Variants in SMPD3 observed in about 807,000 individuals in gnomAD.
SMPD3 encodes sphingomyelin phosphodiesterase 3, also known as nSMase-2.
SMPD3 carries 21 observed loss-of-function variants against 55.7 expected under a neutral mutation model. That is an observed-to-expected ratio of 0.38 (90% CI 0.27 to 0.54). The LOEUF (loss-of-function observed/expected upper bound fraction) is 0.54. SMPD3 is among the 20% of genes least tolerant of loss of function. The probability of loss-of-function intolerance (pLI) is 0.80; values close to 1 mark genes in which losing one functional copy is unlikely to be tolerated. For synonymous variants in SMPD3, 457 were observed against 404.3 expected, an observed-to-expected ratio of 1.13 and a Z score of -1.56; for missense variants, 842 against 899.6, an observed-to-expected ratio of 0.94 and a Z score of 0.82.
intron 8 of SMPD3, 85 bp downstream of exon 8, chr16:68,361,518 T>C: frequency 6.4e-7 from 1 of 1,557,826 alleles, no homozygotes; most frequent in Non-Finnish European, 8.7e-7. Context: ...GGCGTGGGGT[T>C]TCAGGGAGCG....
chr16:68,386,881 T>C (rs1217976299), intron 1 of SMPD3, among the ~76,000 whole-genome samples: 2 of 151,960 alleles, frequency 1.3e-5, no homozygotes, highest in Non-Finnish European at 1.5e-5. Context: ...CCGAGGTTTG[T>C]GTGACAGATT....
intron 1 of SMPD3, among the ~76,000 whole-genome samples, chr16:68,388,984 T>C (rs536588571): frequency 1.3e-5 from 2 of 152,208 alleles, no homozygotes; most frequent in African/African-American, 2.4e-5. Flanking sequence ...CCCATCTCAA[T>C]ATACTCCCAG....
At chr16:68,389,301 C>G (rs1394183394) in intron 1 of SMPD3, among the ~76,000 whole-genome samples, 3 of 152,220 alleles carry the variant, frequency 2.0e-5, no homozygotes, top group African/African-American at 7.2e-5. Context: ...GCCTGTCCAC[C>G]AGGAGGCCTC....
intron 1 of SMPD3, among the ~76,000 whole-genome samples, chr16:68,444,323 C>G (rs2090592491): frequency 6.6e-6 from 1 of 152,124 alleles, no homozygotes; most frequent in Non-Finnish European, 1.5e-5. Context: ...GGAAATTTTC[C>G]GAGAAAAGCT....
chr16:68,424,263 T>C (rs189106374), intron 1 of SMPD3, among the ~76,000 whole-genome samples: 15 of 151,974 alleles, frequency 9.9e-5, no homozygotes, highest in Admixed American at 2.0e-4. Flanking sequence ...AAAGATACCA[T>C]CTTGAAGCTT....
chr16:68,397,625 C>T (rs892108329), intron 1 of SMPD3, among the ~76,000 whole-genome samples: 22 of 152,254 alleles, frequency 1.4e-4, no homozygotes, highest in Non-Finnish European at 4.4e-5. Flanking sequence ...TCTGCCTCCT[C>T]TCCTGTCGCA....
Position 68,358,444 on chromosome 16 carries a change from C to G in SMPD3, c.*2762G>C, listed in dbSNP as rs1312326845. 6.6e-6 allele frequency: 1 copy of G among 152,662 alleles called. No homozygotes were observed. The highest frequency in any genetic ancestry group is 2.4e-5 in the African/African-American group (1 of 41,456). 9.5% of individuals were successfully genotyped at this position (152,662 alleles called of 1,614,324 possible). A position where few individuals can be genotyped will look rare whatever the true frequency, so the allele number is the denominator to read the frequency against. The stretch of plus-strand genomic sequence containing the variant: ...TCAGGTGTAAAGACTTGTTTTTCTT[C>G]TAGGGAAGAACCGTCTGGATATATA... On this transcript the variant is annotated 3_prime_UTR_variant, in exon 9 of 9. Coordinates refer to ENST00000219334, the MANE Select transcript of SMPD3 (RefSeq NM_018667.4).
At chr16:68,428,123 C>T (rs1403693216) in intron 1 of SMPD3, among the ~76,000 whole-genome samples, 1 of 152,208 alleles carries the variant, frequency 6.6e-6, no homozygotes, top group Non-Finnish European at 1.5e-5. Flanking sequence ...GCCAAGGCCT[C>T]ATCCTTGGAG....
At chr16:68,419,577 GC>G (rs1244372052) in intron 1 of SMPD3, among the ~76,000 whole-genome samples, 3 of 152,184 alleles carry the variant, frequency 2.0e-5, no homozygotes, top group African/African-American at 7.2e-5. Context: ...ACATTTCCTT[GC>G]ATCTCCAGAG....
chr16:68,381,625 C>G (rs192157532), intron 2 of SMPD3, among the ~76,000 whole-genome samples: 2 of 152,302 alleles, frequency 1.3e-5, no homozygotes, highest in East Asian at 3.9e-4. Flanking sequence ...GATGTGGAAC[C>G]TTCCAGAGCT....
At chr16:68,423,610 C>T (rs1409402698) in intron 1 of SMPD3, among the ~76,000 whole-genome samples, 1 of 152,194 alleles carries the variant, frequency 6.6e-6, no homozygotes, top group African/African-American at 2.4e-5. Context: ...TACCCAGTCT[C>T]AGGTGTCCTG....
intron 1 of SMPD3, among the ~76,000 whole-genome samples, chr16:68,428,141 G>A (rs2090451125): frequency 6.6e-6 from 1 of 152,194 alleles, no homozygotes; most frequent in Non-Finnish European, 1.5e-5. Context: ...GAGCAGGGAA[G>A]TAAACATCAT....
chr16:68,363,644 G>T, intron 6 of SMPD3, 85 bp from the exon 7 acceptor site: 1 of 1,459,064 alleles, frequency 6.9e-7, no homozygotes, highest in Non-Finnish European at 9.4e-7. Context: ...GTGGACACGG[G>T]CTTCTGCTAG....
intron 5 of SMPD3, chr16:68,364,527 T>G (rs1007228003): frequency 1.5e-5 from 8 of 541,442 alleles, no homozygotes; most frequent in Admixed American, 3.6e-5. Context: ...TTGTCAGAGG[T>G]TCGTTTTTAG....
chr16:68,376,170 G>A (rs1188747933), intron 2 of SMPD3, among the ~76,000 whole-genome samples: 1 of 152,262 alleles, frequency 6.6e-6, no homozygotes, highest in East Asian at 1.9e-4. Context: ...TGAAAGAGGA[G>A]AACTACAGTT....
chr16:68,413,516 C>T (rs1226790792), intron 1 of SMPD3, among the ~76,000 whole-genome samples: 1 of 151,624 alleles, frequency 6.6e-6, no homozygotes, highest in Non-Finnish European at 1.5e-5. Flanking sequence ...CTTAATCATT[C>T]AGAAAACATA....
intron 2 of SMPD3, among the ~76,000 whole-genome samples, chr16:68,381,254 A>G (rs2089944754): frequency 6.6e-6 from 1 of 152,176 alleles, no homozygotes; most frequent in Non-Finnish European, 1.5e-5. Context: ...GGCACCATGA[A>G]AGACCATCCC....
intron 2 of SMPD3, among the ~76,000 whole-genome samples, chr16:68,374,618 G>T (rs548992552): frequency 6.6e-6 from 1 of 152,310 alleles, no homozygotes; most frequent in Non-Finnish European, 1.5e-5. Context: ...GGAGACTCCA[G>T]GACGTACTCC....
intron 3 of SMPD3, chr16:68,369,651 GATCT>G (rs2089594404): frequency 6.6e-6 from 1 of 152,272 alleles, no homozygotes. Flanking sequence ...GGGAAGGTTG[GATCT>G]ATCTGTCAGG....
Sources: allele counts gnomAD v4.1 joint callset (sites outside exome capture counted in the v4.1 genomes callset), GRCh38; gene constraint gnomAD v4.1.1; transcripts MANE v1.5; gene names NCBI Gene and HGNC (gene_info 2026-07-23, HGNC 2026-07-21).